TLN2: variants seen among roughly 807,000 people sequenced by gnomAD.
TLN2 encodes the protein talin-2.
TLN2 carries 118 observed loss-of-function variants against 294.7 expected under a neutral mutation model. The ratio of observed to expected loss-of-function variants is 0.40; its 90% CI spans 0.34 to 0.47. The LOEUF (loss-of-function observed/expected upper bound fraction) is 0.47. TLN2 is among the 20% of genes least tolerant of loss of function. TLN2 has a pLI of 0.84. For missense variants in TLN2, 3,083 were observed against 3,282.2 expected, an observed-to-expected ratio of 0.94 and a Z score of 1.48; for synonymous variants, 1,431 against 1,304.5, an observed-to-expected ratio of 1.10 and a Z score of -2.09.
intron 1 of TLN2, among the ~76,000 whole-genome samples, chr15:62,535,398 G>C (rs1369691347): frequency 6.6e-6 from 1 of 151,904 alleles, no homozygotes; most frequent in African/African-American, 2.4e-5. Flanking sequence ...GGAGGCAGAG[G>C]CAGGAGGATT....
intron 2 of TLN2, among the ~76,000 whole-genome samples, chr15:62,590,815 CCAGA>C (rs2046018166): frequency 6.6e-6 from 1 of 152,042 alleles, no homozygotes; most frequent in Admixed American, 6.6e-5. Context: ...CATGGCACAC[CCAGA>C]TGTATCAGTT....
chr15:62,737,007 G>C lies in TLN2; in HGVS notation c.3488G>C (p.Gly1163Ala), dbSNP rs747353365. The C allele has an allele frequency of 8.7e-6, 14 of 1,614,238 alleles. No homozygotes were observed. Among genetic ancestry groups the C allele is most frequent in the Non-Finnish European group, 1.2e-5 (14 of 1,180,052 alleles). Residue 1163 changes from glycine (G) to alanine (A), a missense_variant, in exon 29 of 59, where the codon GGC becomes GCC. Transcript: ENST00000636159. ...MLDSARDVME[G>A]SAMLIQEAKQ... Reference sequence around the variant, plus strand: ...GATTCTGCTCGAGACGTGATGGAGGGCTCCGCCATGCTCATTCAAGAGGCC... The same window carrying C: ...GATTCTGCTCGAGACGTGATGGAGGCCTCCGCCATGCTCATTCAAGAGGCC...
chr15:62,733,352 G>C (rs2060832965), intron 28 of TLN2, among the ~76,000 whole-genome samples: 1 of 152,186 alleles, frequency 6.6e-6, no homozygotes, highest in Admixed American at 6.5e-5. Flanking sequence ...TGGGAAGCAA[G>C]GAAAGAGAGA....
At chr15:62,660,803 T>C (rs980994824) in intron 9 of TLN2, among the ~76,000 whole-genome samples, 5 of 152,228 alleles carry the variant, frequency 3.3e-5, no homozygotes, top group African/African-American at 1.2e-4. Context: ...AGATATTATA[T>C]ACTAATTCCT....
At chr15:62,540,261 A>G (rs1206268777) in intron 1 of TLN2, among the ~76,000 whole-genome samples, 1 of 151,514 alleles carries the variant, frequency 6.6e-6, no homozygotes, top group Non-Finnish European at 1.5e-5. Flanking sequence ...AATCGCTTGA[A>G]CCCGGAAGGC....
At chr15:62,660,662 T>C (rs1283505229) in intron 9 of TLN2, among the ~76,000 whole-genome samples, 4 of 152,196 alleles carry the variant, frequency 2.6e-5, no homozygotes, top group South Asian at 4.1e-4. Context: ...CCATGTGATG[T>C]GGAATTTTGT....
At chr15:62,721,708 T>G (rs781593847) in intron 25 of TLN2, among the ~76,000 whole-genome samples, 3 of 152,136 alleles carry the variant, frequency 2.0e-5, no homozygotes, top group Non-Finnish European at 2.9e-5. Context: ...TGTAGAGCTG[T>G]TTATCATAGC....
chr15:62,545,940 T>C (rs1203417583), intron 1 of TLN2, among the ~76,000 whole-genome samples: 1 of 152,192 alleles, frequency 6.6e-6, no homozygotes, highest in Admixed American at 6.5e-5. Context: ...GTCTCAGCAT[T>C]CCAGGTCTTT....
chr15:62,751,470 T>C (rs777863360), intron 34 of TLN2, among the ~76,000 whole-genome samples: 4 of 152,228 alleles, frequency 2.6e-5, no homozygotes, highest in Non-Finnish European at 4.4e-5. Flanking sequence ...CAAATCCTTA[T>C]GTAAACTGGA....
rs777234796 is a variant in TLN2, at chr15:62,717,602, A to G, written c.2790A>G (p.Ala930=). 1.9e-6 allele frequency: 3 copies of G among 1,594,870 alleles called. No homozygotes were observed. In the Admixed American group the frequency reaches 5.4e-5, roughly 29 times the overall value. Residue 930 remains alanine (A), a synonymous_variant, in exon 24 of 59, where the codon GCA becomes GCG. Coordinates refer to ENST00000636159, the MANE Select transcript of TLN2 (RefSeq NM_015059.3). ...LEVAAKQAAA[A]ATQTIAASQN... is the part of the protein sequence containing the mutation. ...TTGCAGCCAAGCAGGCCGCAGCGGC[A>G]GCCACACAGACCATCGCCGCCTCCC...
intron 32 of TLN2, among the ~76,000 whole-genome samples, chr15:62,746,791 A>T (rs2061640083): frequency 6.6e-6 from 1 of 152,240 alleles, no homozygotes; most frequent in Non-Finnish European, 1.5e-5. Flanking sequence ...TGGACCAGTT[A>T]TGACACTGCA....
At chr15:62,499,286 C>CA (rs1567033558) in intron 1 of TLN2, among the ~76,000 whole-genome samples, 1 of 151,936 alleles carries the variant, frequency 6.6e-6, no homozygotes, top group South Asian at 2.1e-4. Context: ...CCGTGTCTAC[C>CA]AAAAAATACG....
intron 2 of TLN2, among the ~76,000 whole-genome samples, chr15:62,611,821 C>A (rs1226693160): frequency 2.6e-5 from 4 of 152,138 alleles, no homozygotes; most frequent in Admixed American, 2.0e-4. Context: ...AGAACCTTTC[C>A]CCCCAGTCAG....
At chr15:62,508,545 T>G (rs143351538) in intron 1 of TLN2, among the ~76,000 whole-genome samples, 545 of 152,290 alleles carry the variant, frequency 3.6e-3, no homozygotes, top group Middle Eastern at 6.8e-3. Context: ...TGAAACAAAT[T>G]TTTCATTTCG....
intron 1 of TLN2, among the ~76,000 whole-genome samples, chr15:62,586,351 A>G (rs2045613180): frequency 6.6e-6 from 1 of 152,160 alleles, no homozygotes; most frequent in South Asian, 2.1e-4. Flanking sequence ...CTTCTAGGGA[A>G]ATTTTGTAGG....
chr15:62,401,726 A>G (rs2033037002), intron 1 of TLN2, among the ~76,000 whole-genome samples: 1 of 152,116 alleles, frequency 6.6e-6, no homozygotes, highest in Non-Finnish European at 1.5e-5. Context: ...CCTCCCATCA[A>G]TATTTTTGGT....
In TLN2 at chr15:62,840,641, G is replaced by T. The variant is rs1199066424; in HGVS notation, c.*31G>T. 5.6e-6 allele frequency: 9 copies of T among 1,609,220 alleles called. No homozygotes were observed. In the East Asian group the frequency reaches 2.0e-4, roughly 36 times the overall value. The stretch of plus-strand genomic sequence containing the variant: ...CGAGCCCAGATGGCGAGCCCCAGGG[G>T]ATGGCCCTGGCTGAACTGGACAGAC... On this transcript the variant is annotated 3_prime_UTR_variant, in exon 59 of 59. Transcript: ENST00000636159.
intron 40 of TLN2, 133 bp from the exon 41 acceptor site, chr15:62,766,188 T>C (rs2062992474): frequency 1.5e-6 from 1 of 669,364 alleles, no homozygotes. Context: ...TGCAGTGGCT[T>C]GATGGCACAC....
chr15:62,677,351 T>C (rs781016226), intron 11 of TLN2, among the ~76,000 whole-genome samples: 7 of 152,232 alleles, frequency 4.6e-5, no homozygotes, highest in Admixed American at 2.6e-4. Context: ...CTTCCATTAA[T>C]ACCATCAGGC....
Sources: allele counts gnomAD v4.1 joint callset (sites outside exome capture counted in the v4.1 genomes callset), GRCh38; gene constraint gnomAD v4.1.1; transcripts MANE v1.5; gene names NCBI Gene and HGNC (gene_info 2026-07-23, HGNC 2026-07-21).